The following CSMD1 variants were observed in gnomAD, a reference collection of about 807,000 sequenced individuals.
CSMD1 encodes CUB and Sushi multiple domains 1.
Under a neutral mutation model 417.5 loss-of-function variants are expected in CSMD1, and 213 were observed. The observed-to-expected ratio is 0.51, with a 90% confidence interval of 0.46 to 0.57. The LOEUF (loss-of-function observed/expected upper bound fraction) is 0.57, where lower values mean the gene tolerates loss of function less well. CSMD1 is among the 20% of genes least tolerant of loss of function. The pLI is 0.00. For synonymous variants in CSMD1, 2,862 were observed against 1,736.8 expected (o/e 1.65, Z -16.11); for missense variants, 6,923 against 4,529.7 (o/e 1.53, Z -15.17).
chr8:3,305,067 C>G (rs374275710), intron 25 of CSMD1, among the ~76,000 whole-genome samples: 1 of 152,080 alleles, frequency 6.6e-6, no homozygotes, highest in African/African-American at 2.4e-5. Context: ...TTACTTAAGA[C>G]TGCAGTGGTG....
chr8:4,952,868 C>T lies in CSMD1; in HGVS notation c.85+41464G>A, dbSNP rs117036174. The stretch of plus-strand genomic sequence containing the variant: ...TGCAGGTAAGCTTGTTGGATGTAGA[C>T]TGTGATGTTGTTAACAAATGTTTTT... On this transcript the variant is annotated intron_variant, in intron 1 of 69. Coordinates refer to ENST00000635120, the MANE Select transcript of CSMD1 (RefSeq NM_033225.6). 2.4e-3 allele frequency among the ~76,000 whole-genome samples: 360 copies of T among 152,156 alleles called. 2 individuals carry two copies. The highest frequency in any genetic ancestry group is 3.8e-3 in the Non-Finnish European group (256 of 67,966).
intron 11 of CSMD1, among the ~76,000 whole-genome samples, chr8:3,482,570 T>G (rs572303625): frequency 1.3e-5 from 2 of 152,308 alleles, no homozygotes; most frequent in South Asian, 2.1e-4. Context: ...ACAAGTATAG[T>G]TGAAAACTTT....
chr8:2,986,718 A>G (rs1318324850), intron 54 of CSMD1, among the ~76,000 whole-genome samples: 1 of 151,918 alleles, frequency 6.6e-6, no homozygotes, highest in African/African-American at 2.4e-5. Flanking sequence ...GTTAGCCAGG[A>G]TGGTTTTGAT....
chr8:4,485,134 G>C (rs181259762), intron 2 of CSMD1, among the ~76,000 whole-genome samples: 1 of 151,644 alleles, frequency 6.6e-6, no homozygotes, highest in South Asian at 2.1e-4. Context: ...TAAGGTCTTC[G>C]GCATAGGCTG....
In CSMD1 at chr8:3,119,384, T is replaced by TAAAA. The variant is rs34060531; in HGVS notation, c.6242-801_6242-798dup. On this transcript the variant is annotated intron_variant, in intron 41 of 69. Coordinates refer to ENST00000635120, the MANE Select transcript of CSMD1 (RefSeq NM_033225.6). Reference sequence around the variant, plus strand: ...CATTGCAGTTTTTTTAGTCTTTTTCTAAAAAAAAAAAAAAAAAAAAAAAAA... The same window carrying TAAAA: ...CATTGCAGTTTTTTTAGTCTTTTTCTAAAAAAAAAAAAAAAAAAAAAAAAAAAAA... Among the ~76,000 whole-genome samples, 396 of 88,264 alleles carry TAAAA rather than the reference T, an allele frequency of 4.5e-3. 49 individuals are homozygous for TAAAA. The highest frequency in any genetic ancestry group is 0.024 in the Middle Eastern group (2 of 82). 57.9% of individuals were successfully genotyped at this position (88,264 alleles called of 152,430 possible). A position where few individuals can be genotyped will look rare whatever the true frequency, so the allele number is the denominator to read the frequency against.
chr8:4,116,933 G>C (rs181183907), intron 3 of CSMD1, among the ~76,000 whole-genome samples: 1 of 152,008 alleles, frequency 6.6e-6, no homozygotes, highest in African/African-American at 2.4e-5. Flanking sequence ...ACCATCCTTT[G>C]TCTTTTCCAT....
chr8:3,287,796 C>T (rs139071683), intron 25 of CSMD1, among the ~76,000 whole-genome samples: 4 of 152,038 alleles, frequency 2.6e-5, no homozygotes, highest in South Asian at 2.1e-4. Flanking sequence ...CTCTTTATTT[C>T]CTCCAGCTGC....
At chr8:3,162,135 C>T (rs1487714213) in intron 38 of CSMD1, 24 bp downstream of exon 38, 2 of 1,441,282 alleles carry the variant, frequency 1.4e-6, no homozygotes, top group East Asian at 2.4e-5. Flanking sequence ...GTATGTTATT[C>T]CTGAGCACTG....
intron 26 of CSMD1, among the ~76,000 whole-genome samples, chr8:3,238,632 A>G (rs998650388): frequency 3.3e-5 from 5 of 152,062 alleles, no homozygotes; most frequent in African/African-American, 7.2e-5. Flanking sequence ...AACATTTGTC[A>G]TTTAGAATTA....
chr8:3,676,046 T>A (rs761370286), intron 7 of CSMD1, among the ~76,000 whole-genome samples: 5 of 152,336 alleles, frequency 3.3e-5, no homozygotes, highest in East Asian at 1.9e-4. Flanking sequence ...AATATAGGCA[T>A]AGGAAGTCAT....
chr8:4,800,688 G>C (rs115914706), intron 1 of CSMD1, among the ~76,000 whole-genome samples: 1,704 of 152,224 alleles, frequency 0.011, 26 homozygotes, highest in African/African-American at 0.038. Context: ...AGCTACGTTG[G>C]GCTAAGTTCT....
intron 10 of CSMD1, among the ~76,000 whole-genome samples, chr8:3,501,397 A>G (rs1796595115): frequency 6.6e-6 from 1 of 152,232 alleles, no homozygotes; most frequent in Non-Finnish European, 1.5e-5. Context: ...TTTCTGAATA[A>G]CATGTTTGTG....
At chr8:3,577,108 A>G (rs181095324) in intron 9 of CSMD1, among the ~76,000 whole-genome samples, 38 of 152,258 alleles carry the variant, frequency 2.5e-4, no homozygotes, top group Admixed American at 2.5e-3. Context: ...ATTGGCCCAG[A>G]TGTTCCCAGC....
rs567929429 is a variant in CSMD1 at position 3,500,091 on chromosome 8, A to T, written c.1345-6365T>A. Among the ~76,000 whole-genome samples the T allele has an allele frequency of 3.9e-5, 6 of 152,084 alleles. No homozygotes were observed. In the East Asian group the frequency reaches 1.2e-3, roughly 30 times the overall value. On this transcript the variant is annotated intron_variant, in intron 10 of 69. Transcript: ENST00000635120. Reference sequence around the variant, plus strand: ...CACTTACCTTCTCCCTACAATCGGGAGTCCTTTTTTGGCACTGAACGGATC... The same window carrying T: ...CACTTACCTTCTCCCTACAATCGGGTGTCCTTTTTTGGCACTGAACGGATC...
rs1027563616 is a variant in CSMD1, at chr8:3,493,791, T to C, written c.1345-65A>G. The stretch of plus-strand genomic sequence containing the variant: ...TACTTCCCATGACTTTTAATAGGTA[T>C]TGCAAATATCTAGTTATACTGTTAA... On this transcript the variant is annotated intron_variant, in intron 10 of 69. Coordinates refer to ENST00000635120, the MANE Select transcript of CSMD1 (RefSeq NM_033225.6). The C allele has an allele frequency of 1.7e-5, 23 of 1,347,702 alleles. No individual in the cohort carries two copies. The African/African-American group carries it at 2.7e-4, about 16-fold the overall frequency. 83.5% of individuals were successfully genotyped at this position (1,347,702 alleles called of 1,614,324 possible).
At chr8:3,625,145 G>C (rs1023731384) in intron 7 of CSMD1, among the ~76,000 whole-genome samples, 6 of 151,640 alleles carry the variant, frequency 4.0e-5, no homozygotes, top group Admixed American at 1.3e-4. Flanking sequence ...TTCTCTCATA[G>C]TAGTAAACAA....
At chr8:4,082,384 G>T (rs964693038) in intron 3 of CSMD1, among the ~76,000 whole-genome samples, 6 of 152,182 alleles carry the variant, frequency 3.9e-5, no homozygotes, top group South Asian at 2.1e-4. Context: ...GTTCTGCCGA[G>T]CATTTAAAAA....
intron 1 of CSMD1, among the ~76,000 whole-genome samples, chr8:4,710,189 A>C (rs1042133369): frequency 6.6e-6 from 1 of 152,016 alleles, no homozygotes; most frequent in Non-Finnish European, 1.5e-5. Context: ...GTACCAACAC[A>C]AGATAAAATA....
chr8:4,877,903 G>C (rs1336457119), intron 1 of CSMD1, among the ~76,000 whole-genome samples: 2 of 152,036 alleles, frequency 1.3e-5, no homozygotes, highest in Non-Finnish European at 1.5e-5. Context: ...CATTGAGAAG[G>C]AAATTTCCAT....
Sources: gnomAD v4.1 joint callset for allele counts (sites outside exome capture counted in the v4.1 genomes callset) on GRCh38, gnomAD v4.1.1 for gene constraint, MANE v1.5 for transcripts, NCBI Gene and HGNC (gene_info 2026-07-23, HGNC 2026-07-21) for gene names.